Variants in PCSK5 observed in about 807,000 individuals in gnomAD.
The protein encoded by PCSK5 is proprotein convertase subtilisin/kexin type 5.
PCSK5 carries 129 observed loss-of-function variants against 233.2 expected under a neutral mutation model. The observed-to-expected ratio is 0.55, with a 90% CI of 0.48 to 0.64. The LOEUF is 0.64. Ranked by LOEUF, PCSK5 falls within the 30% of genes least tolerant of loss-of-function variation. PCSK5 has a pLI of 0.00. For missense variants in PCSK5, 2,076 were observed against 2,430.1 expected (o/e 0.85, Z 3.06); for synonymous variants, 825 against 879.2 (o/e 0.94, Z 1.09).
chr9:76,143,042 C>A (rs1359655551), intron 10 of PCSK5, among the ~76,000 whole-genome samples: 2 of 152,168 alleles, frequency 1.3e-5, no homozygotes, highest in African/African-American at 4.8e-5. Context: ...TGTCATACAC[C>A]TAACCTAAAT....
At chr9:76,023,022 G>A (rs933555709) in intron 3 of PCSK5, among the ~76,000 whole-genome samples, 1 of 152,188 alleles carries the variant, frequency 6.6e-6, no homozygotes, top group African/African-American at 2.4e-5. Flanking sequence ...TCGATTTGTA[G>A]CTGGATGGGC....
chr9:76,292,082 C>G (rs1310325644), intron 24 of PCSK5, 151 bp from the exon 25 acceptor site: 1 of 575,018 alleles, frequency 1.7e-6, no homozygotes, highest in East Asian at 2.8e-5. Context: ...TAATTAAAAA[C>G]AGTACAATCT....
intron 3 of PCSK5, among the ~76,000 whole-genome samples, chr9:76,020,235 G>A (rs1192404878): frequency 2.0e-5 from 3 of 152,148 alleles, no homozygotes; most frequent in Non-Finnish European, 4.4e-5. Flanking sequence ...AATAAATAGG[G>A]CCTAGTTTAA....
Position 75,910,401 on chromosome 9 carries a change from T to A in PCSK5, c.192+19028T>A, listed in dbSNP as rs141324454. On this transcript the variant is annotated intron_variant, in intron 1 of 37. Coordinates refer to ENST00000674117, the MANE Select transcript of PCSK5 (RefSeq NM_001372043.1). ...CCAATGTGTGTATGTGATTCTGTTG[T>A]TTGGAGATTTGCATTTCCTGAAAGA... Among the ~76,000 whole-genome samples the A allele has an allele frequency of 4.1e-3, 618 of 152,330 alleles. 2 individuals carry two copies. Among genetic ancestry groups the A allele is most frequent in the African/African-American group, 0.014 (590 of 41,570 alleles).
At chr9:76,215,495 T>C (rs984305768) in intron 20 of PCSK5, among the ~76,000 whole-genome samples, 9 of 152,140 alleles carry the variant, frequency 5.9e-5, no homozygotes, top group Admixed American at 5.2e-4. Context: ...CCCAGACTTG[T>C]TTCACTGGTT....
intron 3 of PCSK5, among the ~76,000 whole-genome samples, chr9:76,021,446 C>T (rs1828184417): frequency 6.6e-6 from 1 of 151,936 alleles, no homozygotes; most frequent in African/African-American, 2.4e-5. Context: ...GAGGTAGGTC[C>T]ATAGCTGGGC....
At chr9:76,195,702 C>G (rs1049959378) in intron 20 of PCSK5, 1 of 152,058 alleles carries the variant, frequency 6.6e-6, no homozygotes, top group Non-Finnish European at 1.5e-5. Context: ...TTTCTTTTGT[C>G]TTTTTATTTT....
In PCSK5 at chr9:76,189,241, C is replaced by A; in HGVS notation, c.2510+18C>A. On this transcript the variant is annotated intron_variant, in intron 19 of 37. Transcript: ENST00000674117. ...TGCAAAAAGTAAGTGGATCTGCCCCCTGGGCCCTAGCATTTAGACCTAAGT... is the reference window on the plus strand; with the variant it reads ...TGCAAAAAGTAAGTGGATCTGCCCCATGGGCCCTAGCATTTAGACCTAAGT... 2 of 1,608,628 alleles carry A rather than the reference C, an allele frequency of 1.2e-6. No homozygotes were observed. The highest frequency in any genetic ancestry group is 2.2e-5 in the East Asian group (1 of 44,824).
At chr9:76,070,295 C>T (rs879764230) in intron 6 of PCSK5, among the ~76,000 whole-genome samples, 3 of 152,180 alleles carry the variant, frequency 2.0e-5, no homozygotes, top group Admixed American at 6.5e-5. Context: ...CCACCGCACC[C>T]GTCCCCAAAA....
intron 32 of PCSK5, among the ~76,000 whole-genome samples, chr9:76,325,960 A>G (rs1237716988): frequency 6.6e-6 from 1 of 152,030 alleles, no homozygotes; most frequent in East Asian, 1.9e-4. Flanking sequence ...CTACCAGACC[A>G]AAGGGAGGGG....
intron 3 of PCSK5, among the ~76,000 whole-genome samples, chr9:76,000,089 A>G (rs1444592115): frequency 6.6e-6 from 1 of 151,942 alleles, no homozygotes. Flanking sequence ...CAAACAAACA[A>G]CCCCATCAAA....
intron 13 of PCSK5, among the ~76,000 whole-genome samples, chr9:76,174,737 T>C (rs1012937670): frequency 6.6e-6 from 1 of 152,202 alleles, no homozygotes; most frequent in Non-Finnish European, 1.5e-5. Flanking sequence ...TCAGTCTTCC[T>C]ATAAATGCTG....
intron 5 of PCSK5, among the ~76,000 whole-genome samples, chr9:76,066,973 G>A (rs535022430): frequency 6.6e-6 from 1 of 152,302 alleles, no homozygotes; most frequent in South Asian, 2.1e-4. Flanking sequence ...AACTTCATTA[G>A]CAATGACAGA....
At chr9:75,936,077 G>T (rs971667998) in intron 2 of PCSK5, among the ~76,000 whole-genome samples, 53 of 152,136 alleles carry the variant, frequency 3.5e-4, no homozygotes, top group Admixed American at 1.6e-3. Flanking sequence ...AGTCTATTAA[G>T]TGTGTAATAG....
intron 2 of PCSK5, among the ~76,000 whole-genome samples, chr9:75,980,101 T>A (rs1190888910): frequency 6.6e-6 from 1 of 152,182 alleles, no homozygotes; most frequent in Non-Finnish European, 1.5e-5. Flanking sequence ...AAGCAACAAA[T>A]AGGAAAATCA....
intron 3 of PCSK5, among the ~76,000 whole-genome samples, chr9:75,989,283 A>G (rs1451116464): frequency 6.6e-6 from 1 of 152,170 alleles, no homozygotes; most frequent in Non-Finnish European, 1.5e-5. Flanking sequence ...TAGTTTTTAA[A>G]GCAATTATCT....
At chr9:76,138,432 G>T (rs1390221981) in intron 10 of PCSK5, among the ~76,000 whole-genome samples, 1 of 152,020 alleles carries the variant, frequency 6.6e-6, no homozygotes, top group African/African-American at 2.4e-5. Context: ...GAGCCATGCG[G>T]AAGACTTTTA....
intron 24 of PCSK5, among the ~76,000 whole-genome samples, chr9:76,251,130 T>C (rs117741382): frequency 0.068 from 10,360 of 151,952 alleles, 473 homozygotes; most frequent in Admixed American, 0.12. Flanking sequence ...TGTCAAGGTG[T>C]GGTGTGCATG....
intron 7 of PCSK5, among the ~76,000 whole-genome samples, chr9:76,079,452 A>G (rs1362593063): frequency 1.3e-5 from 2 of 152,074 alleles, no homozygotes; most frequent in African/African-American, 4.8e-5. Context: ...TGCATTCTTT[A>G]TATGGTTCTC....
Sources: allele counts gnomAD v4.1 joint callset (sites outside exome capture counted in the v4.1 genomes callset), GRCh38; gene constraint gnomAD v4.1.1; transcripts MANE v1.5; gene names NCBI Gene and HGNC (gene_info 2026-07-23, HGNC 2026-07-21).